SNTB2: variants seen among roughly 807,000 people sequenced by gnomAD.
SNTB2 encodes syntrophin beta 2.
SNTB2 carries 34 observed loss-of-function variants against 46.2 expected under a neutral mutation model. That is an observed-to-expected ratio of 0.74 (90% CI 0.56 to 0.98). SNTB2 has a LOEUF of 0.98. SNTB2 is among the 50% of genes least tolerant of loss of function. The probability of loss-of-function intolerance (pLI) is 0.00; values close to 1 mark genes in which losing one functional copy is unlikely to be tolerated. For missense variants in SNTB2, 603 were observed against 731.4 expected (o/e 0.82, Z 2.02); for synonymous variants, 290 against 312.6 (o/e 0.93, Z 0.76).
chr16:69,206,632 T>C (rs11640097), intron 1 of SNTB2, among the ~76,000 whole-genome samples: 4 of 149,218 alleles, frequency 2.7e-5, no homozygotes, highest in African/African-American at 9.8e-5. Context: ...TGGAGGTTGC[T>C]GTGAGCCAAG....
intron 2 of SNTB2, among the ~76,000 whole-genome samples, chr16:69,249,061 C>G (rs1212415894): frequency 6.7e-6 from 1 of 150,162 alleles, no homozygotes; most frequent in African/African-American, 2.5e-5. Flanking sequence ...GCTTCACTCC[C>G]CTCGCCTAGG....
At chr16:69,198,578 C>T (rs1157241804) in intron 1 of SNTB2, among the ~76,000 whole-genome samples, 1 of 152,156 alleles carries the variant, frequency 6.6e-6, no homozygotes, top group African/African-American at 2.4e-5. Context: ...ATATCCTCTC[C>T]TACTTCTTCT....
chr16:69,242,450 C>T (rs547360567), intron 1 of SNTB2, among the ~76,000 whole-genome samples: 19 of 152,172 alleles, frequency 1.2e-4, no homozygotes, highest in African/African-American at 4.1e-4. Flanking sequence ...AGAGTTTGAA[C>T]AAGGTCTCAG....
intron 1 of SNTB2, 55 bp from the exon 2 acceptor site, chr16:69,245,547 A>G (rs1964662062): frequency 6.5e-7 from 1 of 1,534,032 alleles, no homozygotes; most frequent in East Asian, 2.2e-5. Flanking sequence ...TTTAGTTATC[A>G]TTTATTATAG....
intron 2 of SNTB2, among the ~76,000 whole-genome samples, chr16:69,251,969 A>C (rs753417473): frequency 9.9e-5 from 15 of 152,206 alleles, no homozygotes; most frequent in Non-Finnish European, 2.2e-4. Flanking sequence ...CTTTCTTCCA[A>C]AGTAATTGTG....
intron 2 of SNTB2, among the ~76,000 whole-genome samples, chr16:69,250,092 T>A (rs58264433): frequency 0.14 from 20,650 of 152,176 alleles, 1,499 homozygotes; most frequent in South Asian, 0.19. Context: ...AAAAAATTTT[T>A]AAAAATAAAA....
intron 2 of SNTB2, among the ~76,000 whole-genome samples, chr16:69,251,571 G>T (rs1355085457): frequency 6.6e-6 from 1 of 151,458 alleles, no homozygotes; most frequent in African/African-American, 2.4e-5. Flanking sequence ...CTGAGGTCAG[G>T]AGTTCAAGAC....
chr16:69,208,567 A>T (rs1420455632), intron 1 of SNTB2, among the ~76,000 whole-genome samples: 1 of 152,184 alleles, frequency 6.6e-6, no homozygotes, highest in Non-Finnish European at 1.5e-5. Context: ...TTCACAATTT[A>T]TCCATTCTAG....
chr16:69,204,192 A>G (rs1262128323), intron 1 of SNTB2, among the ~76,000 whole-genome samples: 1 of 152,168 alleles, frequency 6.6e-6, no homozygotes, highest in Non-Finnish European at 1.5e-5. Flanking sequence ...GTGCCTGGCC[A>G]GAATCTATTA....
intron 1 of SNTB2, among the ~76,000 whole-genome samples, chr16:69,194,356 T>A (rs1000684124): frequency 3.3e-5 from 5 of 152,224 alleles, no homozygotes; most frequent in Non-Finnish European, 7.3e-5. Flanking sequence ...GTATTCCATT[T>A]TAGTGTTTTG....
intron 1 of SNTB2, among the ~76,000 whole-genome samples, chr16:69,239,422 G>A (rs1472348267): frequency 6.6e-6 from 1 of 152,112 alleles, no homozygotes; most frequent in Non-Finnish European, 1.5e-5. Flanking sequence ...TCTTGTAACT[G>A]TCACCACAAT....
chr16:69,206,787 C>T (rs913953046), intron 1 of SNTB2, among the ~76,000 whole-genome samples: 1 of 150,906 alleles, frequency 6.6e-6, no homozygotes. Context: ...TTTTTTGAGA[C>T]AGAGTTTTGC....
chr16:69,294,145 G>T (rs1965201208), intron 5 of SNTB2, among the ~76,000 whole-genome samples: 1 of 152,024 alleles, frequency 6.6e-6, no homozygotes. Flanking sequence ...AGCCTCCCAA[G>T]TAACTGGGAC....
intron 1 of SNTB2, among the ~76,000 whole-genome samples, chr16:69,232,208 CTTT>C (rs34688718): frequency 3.7e-5 from 5 of 136,566 alleles, no homozygotes; most frequent in Non-Finnish European, 4.7e-5. Flanking sequence ...TTTCTTTTTT[CTTT>C]TTTTTTTTTT....
At chr16:69,259,967 G>C in intron 2 of SNTB2, 83 bp from the exon 3 acceptor site, 1 of 976,936 alleles carries the variant, frequency 1.0e-6, no homozygotes, top group Non-Finnish European at 1.6e-6. Context: ...AATTAAAATA[G>C]ATTTGCAGTT....
chr16:69,187,179 G>A lies in SNTB2; in HGVS notation c.13G>A (p.Ala5Thr). Residue 5 changes from alanine to threonine, a missense_variant, in exon 1 of 7, where the codon GCG (alanine) becomes ACG (threonine). Transcript: ENST00000336278. Reference protein sequence around the residue: MRVAAATAAAGAGPA... With the variant: MRVATATAAAGAGPA... Reference sequence around the variant, plus strand: ...CTGCCTGACTGGAATGAGGGTAGCTGCGGCGACTGCGGCGGCTGGAGCGGG... The same window carrying A: ...CTGCCTGACTGGAATGAGGGTAGCTACGGCGACTGCGGCGGCTGGAGCGGG... The A allele has an allele frequency of 7.3e-7, 1 of 1,373,676 alleles. No homozygotes were observed. The highest frequency in any genetic ancestry group is 9.4e-7 in the Non-Finnish European group (1 of 1,061,052). The allele number at this position is 1,373,676 out of a possible 1,614,324, so 85.1% of individuals were successfully genotyped here.
chr16:69,187,585 T>G lies in SNTB2; in HGVS notation c.419T>G (p.Ile140Ser). Reference protein sequence around the residue: ...IKGGRENRMPILISKIFPGLA... With the variant: ...IKGGRENRMPSLISKIFPGLA... ...GGCGGCCGCGAGAACCGGATGCCGA[T>G]CCTCATCTCCAAGATCTTCCCCGGG... The change falls in exon 1 of 7, where the codon ATC becomes AGC. Residue 140 changes from isoleucine (I) to serine (S), a missense_variant. This residue lies in a region of SNTB2 where 537 missense variants were observed against 692.4 expected (regional missense o/e 0.78). Coordinates refer to ENST00000336278, the MANE Select transcript of SNTB2 (RefSeq NM_006750.4). 6.5e-7 allele frequency: 1 copy of G among 1,539,338 alleles called. No homozygotes were observed. Among genetic ancestry groups the G allele is most frequent in the Non-Finnish European group, 8.7e-7 (1 of 1,147,428 alleles).
At chr16:69,282,670 G>A (rs1965061378) in intron 4 of SNTB2, among the ~76,000 whole-genome samples, 1 of 135,186 alleles carries the variant, frequency 7.4e-6, no homozygotes, top group Non-Finnish European at 1.6e-5. Context: ...TGAATCTGTA[G>A]ATCACCTAAA....
intron 5 of SNTB2, among the ~76,000 whole-genome samples, chr16:69,294,114 C>T (rs1178626422): frequency 6.6e-6 from 1 of 152,082 alleles, no homozygotes; most frequent in African/African-American, 2.4e-5. Flanking sequence ...TGCATCCAGG[C>T]TGAAGCAATC....
Sources: allele counts gnomAD v4.1 joint callset (sites outside exome capture counted in the v4.1 genomes callset), GRCh38; gene constraint gnomAD v4.1.1; regional missense constraint gnomAD v4.1.1; transcripts MANE v1.5; gene names NCBI Gene and HGNC (gene_info 2026-07-23, HGNC 2026-07-21).